Variants in CAST observed in about 807,000 individuals in gnomAD.
The protein encoded by CAST is calpastatin, also known as MIR583 host.
CAST carries 76 observed loss-of-function variants against 119.6 expected under a neutral mutation model. The ratio of observed to expected loss-of-function variants is 0.64; its 90% CI spans 0.53 to 0.77. CAST has a LOEUF of 0.77. CAST is among the 30% of genes least tolerant of loss of function. CAST has a pLI of 0.00. For missense variants in CAST, 953 were observed against 946.5 expected, an observed-to-expected ratio of 1.01 and a Z score of -0.09; for synonymous variants, 319 against 331.6, an observed-to-expected ratio of 0.96 and a Z score of 0.41.
the CAST span, chr5:95,961,944 C>T: frequency 1.9e-6 from 1 of 520,822 alleles, no homozygotes; most frequent in Non-Finnish European, 3.2e-6. Context: ...GGTCTTGTTC[C>T]CTTCAGAACC....
chr5:96,344,542 G>A, the CAST span, among the ~76,000 whole-genome samples: 1 of 152,180 alleles, frequency 6.6e-6, no homozygotes, highest in Non-Finnish European at 1.5e-5. Flanking sequence ...ATGCGAATCA[G>A]GTAGCAGGCT....
the CAST span, among the ~76,000 whole-genome samples, chr5:96,481,396 C>T: frequency 2.0e-5 from 3 of 152,130 alleles, no homozygotes; most frequent in Non-Finnish European, 2.9e-5. Flanking sequence ...TAATTTGTAA[C>T]ACAAGAAAGC....
At chr5:96,508,278 G>A in the CAST span, among the ~76,000 whole-genome samples, 1,574 of 152,222 alleles carry the variant, frequency 0.01, 33 homozygotes, top group African/African-American at 0.032. Flanking sequence ...CCTTCCCAGC[G>A]TGTGACTCAG....
At chr5:96,549,685 G>A (rs1463131717) in intron 1 of CAST, among the ~76,000 whole-genome samples, 1 of 152,346 alleles carries the variant, frequency 6.6e-6, no homozygotes, top group South Asian at 2.1e-4. Context: ...GTACACTCCT[G>A]CCCAAATATT....
At chr5:96,167,450 C>A in the CAST span, among the ~76,000 whole-genome samples, 4 of 152,140 alleles carry the variant, frequency 2.6e-5, no homozygotes, top group Admixed American at 1.3e-4. Flanking sequence ...AAAGGAGTGT[C>A]CATGCAGGAG....
At chr5:96,731,567 A>G (rs1410794573) in intron 9 of CAST, among the ~76,000 whole-genome samples, 4 of 144,804 alleles carry the variant, frequency 2.8e-5, no homozygotes, top group Non-Finnish European at 5.9e-5. Flanking sequence ...TTAGTTACAT[A>G]TGTATACATG....
At chr5:96,098,088 G>A in the CAST span, among the ~76,000 whole-genome samples, 2 of 152,088 alleles carry the variant, frequency 1.3e-5, no homozygotes, top group South Asian at 4.1e-4. Flanking sequence ...TCAGTAATTT[G>A]AGCTTTTTCA....
the CAST span, among the ~76,000 whole-genome samples, chr5:96,135,206 C>T: frequency 6.6e-6 from 1 of 152,144 alleles, no homozygotes; most frequent in African/African-American, 2.4e-5. Context: ...ATTTTACTTA[C>T]TGCTTTAAAA....
At chr5:96,534,722 A>ATG (rs1416482525) in intron 1 of CAST, among the ~76,000 whole-genome samples, 2 of 14,948 alleles carry the variant, frequency 1.3e-4, no homozygotes, top group African/African-American at 2.1e-4. Flanking sequence ...AAGGAGAGAG[A>ATG]GAGAGAGAGA....
At chr5:96,232,761 T>A in the CAST span, among the ~76,000 whole-genome samples, 1 of 152,080 alleles carries the variant, frequency 6.6e-6, no homozygotes, top group South Asian at 2.1e-4. Context: ...AAAACTTTAT[T>A]TAAAGACATA....
intron 3 of CAST, 90 bp from the exon 4 acceptor site, chr5:96,722,549 C>A: frequency 1.0e-6 from 1 of 973,954 alleles, no homozygotes; most frequent in Non-Finnish European, 1.6e-6. Context: ...GGTAAAGGGC[C>A]AAGGGCAGTA....
At chr5:96,508,496 T>A in the CAST span, among the ~76,000 whole-genome samples, 2 of 152,326 alleles carry the variant, frequency 1.3e-5, no homozygotes, top group African/African-American at 4.8e-5. Flanking sequence ...CACTTTAAAA[T>A]TTGAGACACC....
At chr5:96,328,374 TC>T in the CAST span, among the ~76,000 whole-genome samples, 1 of 22,662 alleles carries the variant, frequency 4.4e-5, no homozygotes. Flanking sequence ...TGTCTTTCCT[TC>T]TCTCTCCCTC....
intron 19 of CAST, 38 bp from the exon 20 acceptor site, chr5:96,750,549 T>C: frequency 7.4e-7 from 1 of 1,347,050 alleles, no homozygotes; most frequent in Non-Finnish European, 1.1e-6. Context: ...TAACCAAATA[T>C]TTCTAAACTT....
At chr5:96,283,681 C>T in the CAST span, among the ~76,000 whole-genome samples, 1 of 152,204 alleles carries the variant, frequency 6.6e-6, no homozygotes, top group Non-Finnish European at 1.5e-5. Context: ...TGTCCTCGGA[C>T]ACTTAGGTGA....
chr5:96,278,352 G>T, the CAST span, among the ~76,000 whole-genome samples: 5 of 152,088 alleles, frequency 3.3e-5, no homozygotes, highest in South Asian at 1.0e-3. Flanking sequence ...TACCAGGCAG[G>T]ATGGTACCTG....
At chr5:96,581,568 T>C (rs1746769229) in intron 1 of CAST, among the ~76,000 whole-genome samples, 1 of 152,164 alleles carries the variant, frequency 6.6e-6, no homozygotes, top group Non-Finnish European at 1.5e-5. Context: ...CATATATACA[T>C]ACAAATATGT....
chr5:96,576,407 C>G (rs1365826197), intron 1 of CAST, among the ~76,000 whole-genome samples: 1 of 152,082 alleles, frequency 6.6e-6, no homozygotes, highest in Non-Finnish European at 1.5e-5. Flanking sequence ...TGCAGTGGCA[C>G]AATCTTGGCT....
chr5:96,729,559 TC>T, intron 7 of CAST, 52 bp from the exon 8 acceptor site: 1 of 779,578 alleles, frequency 1.3e-6, no homozygotes, highest in South Asian at 1.4e-5. Context: ...AAGACTACCA[TC>T]TTGTTAACAA....
Sources: allele counts gnomAD v4.1 joint callset (sites outside exome capture counted in the v4.1 genomes callset), GRCh38; gene constraint gnomAD v4.1.1; transcripts MANE v1.5; gene names NCBI Gene and HGNC (gene_info 2026-07-23, HGNC 2026-07-21).